Variants in ARHGEF4 observed in about 807,000 individuals in gnomAD.
The protein encoded by ARHGEF4 is Rho guanine nucleotide exchange factor 4.
ARHGEF4 carries 119 observed loss-of-function variants against 162.0 expected under a neutral mutation model. The ratio of observed to expected loss-of-function variants is 0.73; its 90% CI spans 0.63 to 0.86. The LOEUF (loss-of-function observed/expected upper bound fraction) is 0.86. Ranked by LOEUF, ARHGEF4 falls within the 40% of genes least tolerant of loss-of-function variation. The pLI is 0.00. For missense variants in ARHGEF4, 2,488 were observed against 2,456.0 expected, an observed-to-expected ratio of 1.01 and a Z score of -0.28; for synonymous variants, 1,014 against 979.9, an observed-to-expected ratio of 1.03 and a Z score of -0.65.
At chr2:130,854,242 G>T (rs1681602376) in intron 1 of ARHGEF4, among the ~76,000 whole-genome samples, 1 of 152,214 alleles carries the variant, frequency 6.6e-6, no homozygotes, top group Non-Finnish European at 1.5e-5. Flanking sequence ...CTTGGTGCTT[G>T]GGGATCAGCA....
intron 3 of ARHGEF4, among the ~76,000 whole-genome samples, chr2:130,940,514 C>G (rs1231569647): frequency 6.6e-6 from 1 of 151,620 alleles, no homozygotes; most frequent in Non-Finnish European, 1.5e-5. Context: ...CCAGGATGGT[C>G]TCGATCTCCT....
intron 1 of ARHGEF4, among the ~76,000 whole-genome samples, chr2:130,884,003 C>T (rs1331310685): frequency 2.0e-5 from 3 of 152,084 alleles, no homozygotes; most frequent in East Asian, 1.9e-4. Context: ...TATTAACTAT[C>T]GTCATCACCA....
chr2:130,936,887 CT>C (rs78056401), intron 3 of ARHGEF4, among the ~76,000 whole-genome samples: 78,288 of 135,862 alleles, frequency 0.58, 26,100 homozygotes, highest in East Asian at 0.83. Context: ...CTCTTTCTTT[CT>C]TTTTTTTTTC....
intron 4 of ARHGEF4, among the ~76,000 whole-genome samples, chr2:131,016,721 A>C (rs1030884140): frequency 6.6e-6 from 1 of 152,210 alleles, no homozygotes. Flanking sequence ...AGAGTTTCTG[A>C]TTCAGTGGGT....
intron 4 of ARHGEF4, among the ~76,000 whole-genome samples, chr2:130,971,105 A>G (rs1325922408): frequency 6.6e-6 from 1 of 152,248 alleles, no homozygotes; most frequent in African/African-American, 2.4e-5. Flanking sequence ...GTTCAAGATA[A>G]GAGTGAAGGT....
chr2:130,967,279 A>G (rs1685066531), intron 4 of ARHGEF4, among the ~76,000 whole-genome samples: 2 of 152,184 alleles, frequency 1.3e-5, no homozygotes, highest in African/African-American at 4.8e-5. Context: ...CATAATCCGA[A>G]CACGAAATAT....
chr2:130,910,452 C>T (rs1015221747), intron 1 of ARHGEF4, among the ~76,000 whole-genome samples: 4 of 152,140 alleles, frequency 2.6e-5, no homozygotes, highest in African/African-American at 9.7e-5. Flanking sequence ...AAAGGAGCCA[C>T]TCATAGGAAG....
At chr2:130,837,399 T>G in intron 1 of ARHGEF4, 4 of 332,162 alleles carry the variant, frequency 1.2e-5, no homozygotes, top group South Asian at 6.9e-5. Context: ...CCAGCTGTTT[T>G]GGGAAGGAGG....
intron 4 of ARHGEF4, among the ~76,000 whole-genome samples, chr2:130,975,862 C>T (rs983093310): frequency 1.3e-5 from 2 of 152,170 alleles, no homozygotes; most frequent in Non-Finnish European, 2.9e-5. Context: ...TCTGGGCGGT[C>T]AGAGGCGGAG....
chr2:130,953,133 A>G (rs1684055105), intron 4 of ARHGEF4, among the ~76,000 whole-genome samples: 1 of 152,246 alleles, frequency 6.6e-6, no homozygotes, highest in Non-Finnish European at 1.5e-5. Context: ...AACTGGAGGC[A>G]TCATGCTACC....
intron 1 of ARHGEF4, among the ~76,000 whole-genome samples, chr2:130,885,564 C>CTTTTTTTTTTTTTT (rs961513941): frequency 9.0e-5 from 9 of 100,368 alleles, no homozygotes; most frequent in East Asian, 2.9e-4. Context: ...TTTTCTTATT[C>CTTTTTTTTTTTTTT]TTTTTTTTTT....
At chr2:130,951,434 G>C (rs1215917475) in intron 4 of ARHGEF4, among the ~76,000 whole-genome samples, 2 of 152,184 alleles carry the variant, frequency 1.3e-5, no homozygotes, top group Non-Finnish European at 2.9e-5. Context: ...TTTCCATATT[G>C]TGTCTCATGA....
chr2:130,948,440 T>A (rs1683755294), intron 4 of ARHGEF4, among the ~76,000 whole-genome samples: 1 of 152,224 alleles, frequency 6.6e-6, no homozygotes, highest in Non-Finnish European at 1.5e-5. Context: ...TAGAGTTATT[T>A]AGAGTCTTGT....
At position 131,041,879 on chromosome 2, in the gene ARHGEF4, C is replaced by T; in HGVS notation, c.4960C>T (p.Arg1654Trp). Residue 1654 changes from arginine (R) to tryptophan (W), a missense_variant, in exon 10 of 14, where the codon CGG (arginine) becomes TGG (tryptophan). Physicochemically the swap from Arg to Trp is moderately radical, Grantham distance 101. Coordinates refer to ENST00000409359, the MANE Select transcript of ARHGEF4 (RefSeq NM_001367493.1). ...GAACGTGGCCCAGCTCATCAACGAGCGGAAGCGGAGACTTGAGAACATCGA... is the reference window on the plus strand; with the variant it reads ...GAACGTGGCCCAGCTCATCAACGAGTGGAAGCGGAGACTTGAGAACATCGA... Reference protein sequence around the residue: ...MKNVAQLINERKRRLENIDKI... With the variant: ...MKNVAQLINEWKRRLENIDKI... 19 of 1,613,628 alleles carry T rather than the reference C, an allele frequency of 1.2e-5. No individual in the cohort carries two copies. Among genetic ancestry groups the T allele is most frequent in the Admixed American group, 1.7e-5 (1 of 60,030 alleles).
At position 130,915,680 on chromosome 2, in the gene ARHGEF4, C is replaced by T. The variant is rs1260046315; in HGVS notation, c.1734C>T (p.Tyr578=). Residue 578 remains tyrosine, a synonymous_variant, in exon 2 of 14, where the codon TAC becomes TAT. Transcript: ENST00000409359. ...AAGCCATGGTTCTAGACCCCAACTA[C>T]AGGGAACAGGCTTTGCAAGGTCTTT... The part of the protein sequence containing the change: ...AEEAMVLDPN[Y]REQALQGLSE... The T allele has an allele frequency of 2.6e-6, 4 of 1,550,372 alleles. No individual in the cohort carries two copies. The highest frequency in any genetic ancestry group is 1.4e-5 in the African/African-American group (1 of 73,014).
At chr2:131,007,129 T>G (rs1390190473) in intron 4 of ARHGEF4, among the ~76,000 whole-genome samples, 1 of 152,248 alleles carries the variant, frequency 6.6e-6, no homozygotes. Flanking sequence ...TGACATTAAT[T>G]TATGGACCTA....
At chr2:130,973,602 G>A (rs529811267) in intron 4 of ARHGEF4, among the ~76,000 whole-genome samples, 1 of 152,304 alleles carries the variant, frequency 6.6e-6, no homozygotes, top group East Asian at 1.9e-4. Flanking sequence ...GCTCTGATAA[G>A]TGGATACCCA....
At chr2:131,015,884 G>A (rs113085929) in intron 4 of ARHGEF4, among the ~76,000 whole-genome samples, 7 of 152,296 alleles carry the variant, frequency 4.6e-5, no homozygotes, top group Admixed American at 6.5e-5. Flanking sequence ...TGTTCATGTC[G>A]CAAGGATGAA....
chr2:130,891,680 T>A (rs1679872035), intron 1 of ARHGEF4, among the ~76,000 whole-genome samples: 1 of 152,190 alleles, frequency 6.6e-6, no homozygotes, highest in African/African-American at 2.4e-5. Flanking sequence ...TGATGTTGCT[T>A]CTGTGCATGC....
Sources: allele counts gnomAD v4.1 joint callset (sites outside exome capture counted in the v4.1 genomes callset), GRCh38; gene constraint gnomAD v4.1.1; transcripts MANE v1.5; gene names NCBI Gene and HGNC (gene_info 2026-07-23, HGNC 2026-07-21).